The following GBP7 variants were observed in gnomAD, a reference collection of about 807,000 sequenced individuals.
GBP7 encodes the protein guanylate-binding protein 7.
GBP7 carries 43 observed loss-of-function variants against 61.3 expected under a neutral mutation model. The observed-to-expected ratio is 0.70, with a 90% confidence interval of 0.55 to 0.91. The LOEUF is 0.91. Ranked by LOEUF, GBP7 falls within the 40% of genes least tolerant of loss-of-function variation. The probability of loss-of-function intolerance (pLI) is 0.00; values close to 1 mark genes in which losing one functional copy is unlikely to be tolerated. For missense variants in GBP7, 717 were observed against 740.5 expected, an observed-to-expected ratio of 0.97 and a Z score of 0.37; for synonymous variants, 267 against 271.0, an observed-to-expected ratio of 0.99 and a Z score of 0.14.
rs536401236 is a variant in GBP7, at chr1:89,141,658, C to A, written c.1366-10G>T. ...GGAGGACCTCGTCTGCCTGAAGAAC[C>A]AAGAAGGAGCAAAGACCTGTCAGGC... On this transcript the variant is annotated splice_polypyrimidine_tract_variant and intron_variant, in intron 8 of 10. Coordinates refer to ENST00000294671, the MANE Select transcript of GBP7 (RefSeq NM_207398.3). 11 of 1,606,962 alleles carry A rather than the reference C, an allele frequency of 6.8e-6. No homozygotes were observed. The African/African-American group carries it at 1.3e-4, about 20-fold the overall frequency.
chr1:89,154,866 C>G (rs1198554042), intron 3 of GBP7, among the ~76,000 whole-genome samples: 1 of 152,090 alleles, frequency 6.6e-6, no homozygotes, highest in Non-Finnish European at 1.5e-5. Context: ...TCTCCCAGCA[C>G]AGAGTTTGAG....
chr1:89,165,255 A>C (rs1022502954), intron 2 of GBP7, among the ~76,000 whole-genome samples: 1 of 152,170 alleles, frequency 6.6e-6, no homozygotes, highest in African/African-American at 2.4e-5. Context: ...TAATCCCAAC[A>C]CTTTGGGAGG....
chr1:89,161,035 A>G (rs956039585), intron 3 of GBP7, among the ~76,000 whole-genome samples: 15 of 152,020 alleles, frequency 9.9e-5, no homozygotes, highest in Admixed American at 9.2e-4. Context: ...AACATGTGGT[A>G]TTTGGTTTCC....
intron 7 of GBP7, among the ~76,000 whole-genome samples, chr1:89,148,021 C>A (rs183670746): frequency 5.3e-5 from 8 of 152,268 alleles, no homozygotes; most frequent in Admixed American, 2.0e-4. Context: ...TAACTATAAA[C>A]AACAAGCAAG....
At position 89,147,586 on chromosome 1, in the gene GBP7, A is replaced by G. The variant is rs747076607; in HGVS notation, c.1346T>C (p.Val449Ala). 3 of 1,613,846 alleles carry G rather than the reference A, an allele frequency of 1.9e-6. No individual in the cohort carries two copies. The highest frequency in any genetic ancestry group is 1.1e-5 in the South Asian group (1 of 91,070). ...KKKIEQDYTL[V>A]PRKGVKADEV... ...CCTCACCTTAACTCCTTTTCTGGGC[A>G]CTAGTGTATAGTCCTGTTCAATCTT... Residue 449 changes from valine to alanine, a missense_variant, in exon 8 of 11, where the codon GTG becomes GCG. By Grantham distance (64) the Val-to-Ala change is moderately conservative (BLOSUM62 0). Transcript: ENST00000294671.
At chr1:89,172,309 T>G (rs583520) in intron 1 of GBP7, among the ~76,000 whole-genome samples, 112,162 of 152,090 alleles carry the variant, frequency 0.74, 41,653 homozygotes, top group African/African-American at 0.81. Context: ...CATTTCACCA[T>G]TTTCCCACTA....
At chr1:89,159,317 TA>T (rs1460074388) in intron 3 of GBP7, among the ~76,000 whole-genome samples, 1 of 152,154 alleles carries the variant, frequency 6.6e-6, no homozygotes, top group African/African-American at 2.4e-5. Flanking sequence ...ACTTCATGAC[TA>T]AAACACCAAA....
chr1:89,145,982 A>G (rs1275520115), intron 8 of GBP7, among the ~76,000 whole-genome samples: 1 of 152,206 alleles, frequency 6.6e-6, no homozygotes, highest in Admixed American at 6.5e-5. Flanking sequence ...TATAAAATTC[A>G]TATGGAACCA....
intron 1 of GBP7, among the ~76,000 whole-genome samples, chr1:89,175,523 G>A (rs1647717936): frequency 1.3e-5 from 2 of 152,158 alleles, no homozygotes; most frequent in African/African-American, 4.8e-5. Context: ...GATGTTATAA[G>A]GTCCTGGATT....
chr1:89,145,101 C>T (rs2149610), intron 8 of GBP7, among the ~76,000 whole-genome samples: 29,932 of 151,818 alleles, frequency 0.2, 3,652 homozygotes, highest in Non-Finnish European at 0.26. Context: ...TACAGGCATG[C>T]ACCACCATGC....
At chr1:89,134,078 C>G (rs1467342988) in intron 9 of GBP7, among the ~76,000 whole-genome samples, 1 of 152,220 alleles carries the variant, frequency 6.6e-6, no homozygotes, top group Non-Finnish European at 1.5e-5. Flanking sequence ...TGGTCCCTGC[C>G]TGGCTGCATC....
intron 5 of GBP7, among the ~76,000 whole-genome samples, 192 bp from the exon 6 acceptor site, chr1:89,150,767 A>G (rs770635840): frequency 3.9e-5 from 6 of 152,194 alleles, no homozygotes; most frequent in Non-Finnish European, 7.3e-5. Flanking sequence ...TTTCTGCACA[A>G]AGCAGAGTCA....
chr1:89,155,336 A>C (rs1264545824), intron 3 of GBP7, among the ~76,000 whole-genome samples: 1 of 152,238 alleles, frequency 6.6e-6, no homozygotes, highest in African/African-American at 2.4e-5. Context: ...CAATGGAACA[A>C]AGCTGGATAG....
At position 89,141,553 on chromosome 1, in the gene GBP7, G is replaced by A. The variant is rs762984135; in HGVS notation, c.1461C>T (p.Ala487=). ...TGAGCCCTGCCCCTGTACCTGCTAT[G>A]GCCTTCTCTCCAGCAGTGAGGGCTT... ...SDKALTAGEK[A]IAAKQAKKEA... is the part of the protein sequence containing the mutation. Residue 487 remains alanine (A), a synonymous_variant, in exon 9 of 11, where the codon GCC becomes GCT. Transcript: ENST00000294671. The A allele has an allele frequency of 1.8e-5, 29 of 1,613,416 alleles. No homozygotes were observed. The highest frequency in any genetic ancestry group is 2.2e-5 in the Non-Finnish European group (26 of 1,179,638).
At chr1:89,160,604 A>C (rs996954577) in intron 3 of GBP7, among the ~76,000 whole-genome samples, 1 of 152,112 alleles carries the variant, frequency 6.6e-6, no homozygotes, top group Non-Finnish European at 1.5e-5. Context: ...ACAAGTTATT[A>C]TTTACTGAGT....
At chr1:89,156,300 T>C (rs992498283) in intron 3 of GBP7, among the ~76,000 whole-genome samples, 17 of 152,040 alleles carry the variant, frequency 1.1e-4, no homozygotes, top group African/African-American at 3.9e-4. Flanking sequence ...ATCAACTAAC[T>C]AGCAAAATAA....
At chr1:89,148,481 A>G (rs1000741962) in intron 7 of GBP7, among the ~76,000 whole-genome samples, 53 of 152,334 alleles carry the variant, frequency 3.5e-4, no homozygotes, top group African/African-American at 1.2e-3. Flanking sequence ...TGTTGACTTT[A>G]GAAATGGAGA....
intron 6 of GBP7, 140 bp from the exon 7 acceptor site, chr1:89,149,712 C>T (rs780790227): frequency 6.4e-6 from 4 of 629,756 alleles, no homozygotes; most frequent in Non-Finnish European, 1.1e-5. Context: ...TTCAATTCTA[C>T]TATTACTACT....
Position 89,152,255 on chromosome 1 carries a change from C to CA in GBP7, c.625+12dup. ...CTACTGAACCTTCTCCCATCTAGGC[C>CA]ATGCTCTGATACCTGAAATCAGCTT... On this transcript the variant is annotated intron_variant, in intron 5 of 10. Coordinates refer to ENST00000294671, the MANE Select transcript of GBP7 (RefSeq NM_207398.3). 5 of 1,612,186 alleles carry CA rather than the reference C, an allele frequency of 3.1e-6. No homozygotes were observed. The highest frequency in any genetic ancestry group is 4.2e-6 in the Non-Finnish European group (5 of 1,178,612).
Sources: gnomAD v4.1 joint callset for allele counts (sites outside exome capture counted in the v4.1 genomes callset) on GRCh38, gnomAD v4.1.1 for gene constraint, MANE v1.5 for transcripts, NCBI Gene and HGNC (gene_info 2026-07-23, HGNC 2026-07-21) for gene names.